Variants in ROBO2 observed in about 807,000 individuals in gnomAD.
The protein encoded by ROBO2 is roundabout guidance receptor 2.
A neutral mutation model predicts 160.8 loss-of-function variants in ROBO2; 53 were observed. The observed-to-expected ratio is 0.33, with a 90% CI of 0.26 to 0.41. The LOEUF (loss-of-function observed/expected upper bound fraction) is 0.41, where lower values mean the gene tolerates loss of function less well. Ranked by LOEUF, ROBO2 falls within the 10% of genes least tolerant of loss-of-function variation. The pLI is 1.00. For missense variants in ROBO2, 1,577 were observed against 1,722.4 expected (o/e 0.92, Z 1.49); for synonymous variants, 664 against 611.7 (o/e 1.09, Z -1.26).
In ROBO2 at chr3:77,507,216, AT is replaced by A. The variant is rs1424292373; in HGVS notation, c.806+13837del. Among the ~76,000 whole-genome samples the A allele has an allele frequency of 1.1e-4, 16 of 152,200 alleles. 1 individual carries two copies. Among genetic ancestry groups the A allele is most frequent in the African/African-American group, 3.9e-4 (16 of 41,458 alleles). Reference sequence around the variant, plus strand: ...AATTCATGAATTATTCCATAAACACATTTCAAGAGGAAGTTTCTCTTGGCAA... The same window carrying A: ...AATTCATGAATTATTCCATAAACACATTCAAGAGGAAGTTTCTCTTGGCAA... On this transcript the variant is annotated intron_variant, in intron 5 of 25. Coordinates refer to ENST00000461745, the Ensembl canonical transcript of ROBO2.
At chr3:76,298,225 G>A (rs889792760) in intron 2 of ROBO2, among the ~76,000 whole-genome samples, 20 of 152,116 alleles carry the variant, frequency 1.3e-4, no homozygotes, top group Non-Finnish European at 7.4e-5. Flanking sequence ...TCTGTAGAAG[G>A]TAGAAAGATG....
chr3:75,938,260 G>A (rs1947887403), intron 2 of ROBO2, among the ~76,000 whole-genome samples: 1 of 151,896 alleles, frequency 6.6e-6, no homozygotes, highest in African/African-American at 2.4e-5. Flanking sequence ...ATCAATAGCT[G>A]TATGGAGTGG....
chr3:76,449,314 A>G (rs1421603212), intron 2 of ROBO2, among the ~76,000 whole-genome samples: 1 of 152,100 alleles, frequency 6.6e-6, no homozygotes, highest in Non-Finnish European at 1.5e-5. Context: ...TCTCCCCTTC[A>G]TTTTACAGGG....
At chr3:76,891,461 G>A (rs112848982) in intron 2 of ROBO2, among the ~76,000 whole-genome samples, 2,453 of 152,096 alleles carry the variant, frequency 0.016, 27 homozygotes, top group African/African-American at 0.027. Context: ...GTTTATGTTC[G>A]TGGATCTATT....
intron 2 of ROBO2, among the ~76,000 whole-genome samples, chr3:76,396,736 G>T (rs1439881308): frequency 6.6e-6 from 1 of 152,094 alleles, no homozygotes; most frequent in Non-Finnish European, 1.5e-5. Flanking sequence ...GCTTCAAAGA[G>T]AATAAAATAC....
chr3:77,087,118 T>A (rs540696706), intron 1 of ROBO2, among the ~76,000 whole-genome samples: 1 of 152,218 alleles, frequency 6.6e-6, no homozygotes, highest in Non-Finnish European at 1.5e-5. Flanking sequence ...TTTCAGAATA[T>A]AGAAACAGAA....
chr3:76,598,809 G>T (rs1428451365), intron 2 of ROBO2, among the ~76,000 whole-genome samples: 1 of 152,146 alleles, frequency 6.6e-6, no homozygotes, highest in African/African-American at 2.4e-5. Context: ...ATATGGCAAT[G>T]TAAGAATACA....
At chr3:77,092,174 G>A (rs1000428269) in intron 1 of ROBO2, 3 of 151,922 alleles carry the variant, frequency 2.0e-5, no homozygotes, top group African/African-American at 7.2e-5. Flanking sequence ...AATCCCAGAT[G>A]ATTCTGATGC....
rs200578430 is a variant in ROBO2 at position 76,305,757 on chromosome 3, T to TAA, written c.109+368166_109+368167dup. On this transcript the variant is annotated intron_variant, in intron 2 of 26. Transcript: ENST00000487694. ...CTGGGTAACAGAGTGGGACTCCATA[T>TAA]AAAAAAAAAAAATTGTCCACTTCTA... is the stretch of plus-strand genomic sequence containing the variant. Among the ~76,000 whole-genome samples the TAA allele has an allele frequency of 1.5e-3, 210 of 144,260 alleles. 1 individual carries two copies. The East Asian group carries it at 0.03, about 21-fold the overall frequency. The allele number at this position is 144,260 out of a possible 152,430, so 94.6% of individuals were successfully genotyped here.
intron 1 of ROBO2, among the ~76,000 whole-genome samples, chr3:77,070,462 T>G (rs886250061): frequency 6.6e-6 from 1 of 152,080 alleles, no homozygotes; most frequent in Non-Finnish European, 1.5e-5. Flanking sequence ...TCATTGAACT[T>G]AGAACCCACC....
intron 2 of ROBO2, among the ~76,000 whole-genome samples, chr3:76,612,743 A>T (rs7627505): frequency 6.6e-6 from 1 of 152,128 alleles, no homozygotes; most frequent in Non-Finnish European, 1.5e-5. Context: ...TTGGCTTTAC[A>T]TATCTACATG....
intron 2 of ROBO2, among the ~76,000 whole-genome samples, chr3:76,044,989 C>A (rs1291515750): frequency 6.6e-6 from 1 of 151,996 alleles, no homozygotes; most frequent in Non-Finnish European, 1.5e-5. Flanking sequence ...GCAGGTGAAA[C>A]GGATGTGAGA....
intron 2 of ROBO2, among the ~76,000 whole-genome samples, chr3:77,144,326 C>T (rs896053573): frequency 1.3e-5 from 2 of 152,094 alleles, no homozygotes; most frequent in African/African-American, 2.4e-5. Context: ...TGCAATTTGT[C>T]CCCCATATTT....
intron 20 of ROBO2, chr3:77,602,801 G>T (rs886721735): frequency 4.2e-5 from 20 of 481,706 alleles, no homozygotes; most frequent in Non-Finnish European, 6.8e-5. Context: ...ACTTCCATTA[G>T]GGCAGGGTAG....
chr3:76,563,100 G>A (rs2084300979), intron 2 of ROBO2, among the ~76,000 whole-genome samples: 1 of 151,978 alleles, frequency 6.6e-6, no homozygotes, highest in Non-Finnish European at 1.5e-5. Context: ...TTCTCAAACT[G>A]AAGGATTTTT....
intron 2 of ROBO2, among the ~76,000 whole-genome samples, chr3:76,461,151 C>G (rs559227596): frequency 6.6e-6 from 1 of 152,260 alleles, no homozygotes; most frequent in South Asian, 2.1e-4. Flanking sequence ...CCTCAGGAAA[C>G]TTATAATCAT....
intron 1 of ROBO2, among the ~76,000 whole-genome samples, chr3:77,065,372 C>G (rs1035060525): frequency 1.3e-5 from 2 of 152,134 alleles, no homozygotes; most frequent in East Asian, 3.8e-4. Flanking sequence ...TAATGAATGA[C>G]CACCAAAAAC....
chr3:77,370,224 G>C (rs1251068830), intron 2 of ROBO2, among the ~76,000 whole-genome samples: 1 of 152,196 alleles, frequency 6.6e-6, no homozygotes, highest in Non-Finnish European at 1.5e-5. Context: ...ATCTAGATAA[G>C]TGCTTTGCTC....
intron 2 of ROBO2, among the ~76,000 whole-genome samples, chr3:77,178,039 T>C (rs1333234369): frequency 6.6e-6 from 1 of 152,016 alleles, no homozygotes; most frequent in Non-Finnish European, 1.5e-5. Context: ...AAGCCCTGTC[T>C]CTACTGAACT....
Sources: allele counts gnomAD v4.1 joint callset (sites outside exome capture counted in the v4.1 genomes callset), GRCh38; gene constraint gnomAD v4.1.1; transcripts MANE v1.5; gene names NCBI Gene and HGNC (gene_info 2026-07-23, HGNC 2026-07-21).